The following TNR variants were observed in gnomAD, a reference collection of about 807,000 sequenced individuals.
TNR encodes tenascin-R.
Under a neutral mutation model 150.4 loss-of-function variants are expected in TNR, and 45 were observed. The ratio of observed to expected loss-of-function variants is 0.30; its 90% CI spans 0.24 to 0.38. The LOEUF is 0.38. Among genes scored for constraint, TNR ranks in the 10% least tolerant of loss-of-function variants. The pLI, the probability that TNR is intolerant of heterozygous loss-of-function variation, is 1.00. For missense variants in TNR, 1,544 were observed against 1,759.1 expected (o/e 0.88, Z 2.19); for synonymous variants, 687 against 678.4 (o/e 1.01, Z -0.20).
chr1:175,333,973 T>G (rs1249913912), intron 20 of TNR, among the ~76,000 whole-genome samples: 1 of 151,666 alleles, frequency 6.6e-6, no homozygotes, highest in Non-Finnish European at 1.5e-5. Context: ...TGGAGAGGAG[T>G]CGGGGGAAGA....
At chr1:175,676,351 G>A (rs1016444948) in intron 1 of TNR, among the ~76,000 whole-genome samples, 25 of 152,080 alleles carry the variant, frequency 1.6e-4, no homozygotes, top group Admixed American at 7.2e-4. Flanking sequence ...TTTCCCCAGC[G>A]TGCACCTCAC....
At chr1:175,622,981 G>A (rs1195264253) in intron 1 of TNR, among the ~76,000 whole-genome samples, 1 of 152,142 alleles carries the variant, frequency 6.6e-6, no homozygotes, top group Admixed American at 6.5e-5. Context: ...CCCTACTCCA[G>A]TATGACCCCA....
intron 1 of TNR, among the ~76,000 whole-genome samples, chr1:175,593,180 C>T (rs1361966789): frequency 6.6e-6 from 1 of 152,028 alleles, no homozygotes; most frequent in African/African-American, 2.4e-5. Context: ...GAACTCATCT[C>T]GAAGTGTACT....
chr1:175,324,309 A>G (rs747988148), intron 22 of TNR, 47 bp downstream of exon 22: 9 of 1,586,310 alleles, frequency 5.7e-6, no homozygotes, highest in Non-Finnish European at 6.9e-6. Flanking sequence ...GGGAGCACGG[A>G]TTCCACAGCT....
intron 2 of TNR, among the ~76,000 whole-genome samples, chr1:175,488,887 A>G (rs1658124904): frequency 6.6e-6 from 1 of 152,210 alleles, no homozygotes; most frequent in Non-Finnish European, 1.5e-5. Flanking sequence ...ACTTTGAGAA[A>G]AGGTCAGAAA....
At chr1:175,339,111 T>A (rs1224980108) in intron 18 of TNR, among the ~76,000 whole-genome samples, 1 of 152,212 alleles carries the variant, frequency 6.6e-6, no homozygotes, top group Non-Finnish European at 1.5e-5. Flanking sequence ...GGTATAGATA[T>A]ACTTATTTTA....
chr1:175,391,355 G>A lies in TNR; in HGVS notation c.1440C>T (p.Tyr480=). 6.2e-7 allele frequency: 1 copy of A among 1,614,174 alleles called. No homozygotes were observed. Among genetic ancestry groups the A allele is most frequent in the Non-Finnish European group, 8.5e-7 (1 of 1,180,030 alleles). The change falls in exon 7 of 23, where the codon TAC becomes TAT. Residue 480 remains tyrosine, a synonymous_variant. Transcript: ENST00000367674. ...CTTTCAGAGCCACCACATTGACAAT[G>A]TATTCCTCCCCAGGCTTTAGTCCTG... The part of the protein sequence containing the change: ...NQTGLKPGEE[Y]IVNVVALKEQ...
intron 2 of TNR, among the ~76,000 whole-genome samples, chr1:175,427,134 T>C (rs913016773): frequency 1.3e-5 from 2 of 150,668 alleles, no homozygotes; most frequent in East Asian, 3.9e-4. Context: ...TGTTCTATTC[T>C]CCTTAAAAAA....
At chr1:175,671,911 C>CTGTGTGTATGTGTGTGTGTGTGTG (rs376597060) in intron 1 of TNR, among the ~76,000 whole-genome samples, 2 of 142,042 alleles carry the variant, frequency 1.4e-5, no homozygotes, top group Admixed American at 7.0e-5. Flanking sequence ...TGAGCTGTAC[C>CTGTGTGTATGTGTGTGTGTGTGTG]TGTGTGTGTG....
At chr1:175,668,790 TAA>T (rs1665605538) in intron 1 of TNR, among the ~76,000 whole-genome samples, 1 of 152,288 alleles carries the variant, frequency 6.6e-6, no homozygotes, top group Non-Finnish European at 1.5e-5. Flanking sequence ...CAACTGAGGC[TAA>T]AAGAAGCCAG....
At chr1:175,449,200 A>C (rs1395214745) in intron 2 of TNR, among the ~76,000 whole-genome samples, 5 of 152,070 alleles carry the variant, frequency 3.3e-5, no homozygotes, top group Non-Finnish European at 7.4e-5. Context: ...ACATCTGCAG[A>C]CCTCCATAGA....
chr1:175,466,049 C>T (rs952643922), intron 2 of TNR, among the ~76,000 whole-genome samples: 4 of 152,184 alleles, frequency 2.6e-5, no homozygotes, highest in South Asian at 2.1e-4. Flanking sequence ...TTGGTCTTTC[C>T]TGTGGTGCAC....
At chr1:175,447,237 G>C (rs1230970907) in intron 2 of TNR, among the ~76,000 whole-genome samples, 1 of 152,146 alleles carries the variant, frequency 6.6e-6, no homozygotes, top group Non-Finnish European at 1.5e-5. Context: ...GGGGTGGGGA[G>C]GGGAGAGGCC....
At chr1:175,407,981 G>T (rs375434802) in intron 2 of TNR, among the ~76,000 whole-genome samples, 24 of 152,294 alleles carry the variant, frequency 1.6e-4, no homozygotes, top group African/African-American at 5.5e-4. Flanking sequence ...AGAAAATTTT[G>T]CTAGGGTCAG....
intron 1 of TNR, among the ~76,000 whole-genome samples, chr1:175,676,605 G>T (rs1353335051): frequency 6.6e-6 from 1 of 152,150 alleles, no homozygotes; most frequent in Non-Finnish European, 1.5e-5. Flanking sequence ...AGCTGGAAAG[G>T]CCAGAAGACT....
intron 1 of TNR, among the ~76,000 whole-genome samples, chr1:175,566,007 A>G (rs1190661884): frequency 6.6e-6 from 1 of 152,314 alleles, no homozygotes; most frequent in South Asian, 2.1e-4. Flanking sequence ...AAAAGAAAAG[A>G]CAAGACAATC....
At chr1:175,624,075 C>T (rs1027732656) in intron 1 of TNR, among the ~76,000 whole-genome samples, 1 of 152,206 alleles carries the variant, frequency 6.6e-6, no homozygotes, top group Non-Finnish European at 1.5e-5. Flanking sequence ...TTAATCTGGT[C>T]CTCAGGCCTT....
At chr1:175,457,525 G>T (rs1167887555) in intron 2 of TNR, among the ~76,000 whole-genome samples, 1 of 152,188 alleles carries the variant, frequency 6.6e-6, no homozygotes. Flanking sequence ...CTCACCCACT[G>T]TGCCCAGGGA....
intron 1 of TNR, among the ~76,000 whole-genome samples, chr1:175,695,164 A>T (rs1329580973): frequency 6.6e-6 from 1 of 152,330 alleles, no homozygotes; most frequent in Admixed American, 6.5e-5. Flanking sequence ...AAAAGGAATT[A>T]GGGCTTCCTG....
Sources: allele counts gnomAD v4.1 joint callset (sites outside exome capture counted in the v4.1 genomes callset), GRCh38; gene constraint gnomAD v4.1.1; transcripts MANE v1.5; gene names NCBI Gene and HGNC (gene_info 2026-07-23, HGNC 2026-07-21).